ETS1: variants seen among roughly 807,000 people sequenced by gnomAD.
ETS1 encodes ETS proto-oncogene 1, transcription factor.
ETS1 carries 15 observed loss-of-function variants against 58.6 expected under a neutral mutation model. That is an observed-to-expected ratio of 0.26 (90% CI 0.17 to 0.39). The LOEUF is 0.39. ETS1 is among the 10% of genes least tolerant of loss of function. The pLI is 1.00. For synonymous variants in ETS1, 214 were observed against 218.2 expected (o/e 0.98, Z 0.17); for missense variants, 417 against 610.5 (o/e 0.68, Z 3.34).
Position 128,532,902 on chromosome 11 carries a change from C to T in ETS1, c.214+23389G>A, listed in dbSNP as rs558886702. Among the ~76,000 whole-genome samples the T allele has an allele frequency of 1.1e-4, 17 of 152,318 alleles. No individual in the cohort carries two copies. In the South Asian group the frequency reaches 1.5e-3, roughly 13 times the overall value. Reference sequence around the variant, plus strand: ...CTATCTCCCTCTATTAAAACCACCACGTGCCTTCAAGTCAGCCCATTGTAA... The same window carrying T: ...CTATCTCCCTCTATTAAAACCACCATGTGCCTTCAAGTCAGCCCATTGTAA... On this transcript the variant is annotated intron_variant, in intron 3 of 9. Coordinates refer to ENST00000392668, the MANE Select transcript of ETS1 (RefSeq NM_001143820.2).
intron 8 of ETS1, among the ~76,000 whole-genome samples, chr11:128,475,100 T>C (rs1217713734): frequency 6.6e-6 from 1 of 152,256 alleles, no homozygotes; most frequent in African/African-American, 2.4e-5. Flanking sequence ...CTCTACGCTG[T>C]TCCTAATCAC....
chr11:128,575,720 A>G (rs887185405), intron 1 of ETS1, among the ~76,000 whole-genome samples: 1 of 152,260 alleles, frequency 6.6e-6, no homozygotes, highest in African/African-American at 2.4e-5. Flanking sequence ...GGAAGCAGTC[A>G]GTTCTGCTGG....
intron 3 of ETS1, among the ~76,000 whole-genome samples, chr11:128,523,143 T>G (rs1863733832): frequency 1.3e-5 from 2 of 152,226 alleles, no homozygotes; most frequent in Admixed American, 6.5e-5. Context: ...CTCTCCTCTT[T>G]TAGATAAAAC....
At chr11:128,558,649 C>CAAAA (rs201114905) in intron 2 of ETS1, among the ~76,000 whole-genome samples, 124 of 103,370 alleles carry the variant, frequency 1.2e-3, no homozygotes, top group Non-Finnish European at 1.7e-3. Flanking sequence ...ATATCCATCC[C>CAAAA]AAAAAAAAAA....
chr11:128,507,634 G>A (rs1306143897), intron 3 of ETS1, among the ~76,000 whole-genome samples: 1 of 152,202 alleles, frequency 6.6e-6, no homozygotes, highest in Non-Finnish European at 1.5e-5. Context: ...TTCCTTAGGG[G>A]AAGCCTGCTA....
intron 1 of ETS1, among the ~76,000 whole-genome samples, chr11:128,574,751 G>A (rs1001861885): frequency 6.6e-6 from 1 of 152,124 alleles, no homozygotes; most frequent in East Asian, 1.9e-4. Context: ...TTTACTCTTA[G>A]AATCAAGTTT....
At chr11:128,469,008 C>A (rs1862114164) in intron 8 of ETS1, among the ~76,000 whole-genome samples, 1 of 152,166 alleles carries the variant, frequency 6.6e-6, no homozygotes, top group African/African-American at 2.4e-5. Context: ...CTGAAACAAA[C>A]CTCCTCTGAA....
chr11:128,507,193 T>C (rs1863262328), intron 3 of ETS1, among the ~76,000 whole-genome samples: 1 of 152,126 alleles, frequency 6.6e-6, no homozygotes, highest in Non-Finnish European at 1.5e-5. Context: ...GCACCTCTGA[T>C]TGGTTCCCTG....
chr11:128,537,212 C>A (rs919479335), intron 3 of ETS1, among the ~76,000 whole-genome samples: 1 of 152,164 alleles, frequency 6.6e-6, no homozygotes, highest in African/African-American at 2.4e-5. Context: ...TTTCTCCTGC[C>A]AAGTCTTTAG....
chr11:128,482,102 T>C (rs1162823919), intron 7 of ETS1, among the ~76,000 whole-genome samples: 1 of 152,224 alleles, frequency 6.6e-6, no homozygotes, highest in African/African-American at 2.4e-5. Context: ...AATGAATATA[T>C]ATTTCTTTAT....
Position 128,531,055 on chromosome 11 carries a change from T to C in ETS1, c.214+25236A>G, listed in dbSNP as rs149648841. On this transcript the variant is annotated intron_variant, in intron 3 of 9. Coordinates refer to ENST00000392668, the MANE Select transcript of ETS1 (RefSeq NM_001143820.2). ...TTTCCAAATAGTCCATACAAAAACC[T>C]GCAGTTTCTTGCCAAGCAGAAACTA... is the stretch of plus-strand genomic sequence containing the variant. 2.6e-5 allele frequency among the ~76,000 whole-genome samples: 4 copies of C among 152,346 alleles called. No homozygotes were observed. The East Asian group carries it at 7.7e-4, about 29-fold the overall frequency.
chr11:128,506,006 G>A (rs1047259809), intron 3 of ETS1, among the ~76,000 whole-genome samples: 3 of 152,160 alleles, frequency 2.0e-5, no homozygotes, highest in African/African-American at 4.8e-5. Context: ...GAGGAAGGAG[G>A]GACTGAAAAA....
Position 128,585,465 on chromosome 11 carries a change from A to G in ETS1, c.-15+2023T>C, listed in dbSNP as rs557208944. Among the ~76,000 whole-genome samples the G allele has an allele frequency of 1.4e-4, 22 of 152,344 alleles. No individual in the cohort carries two copies. The East Asian group carries it at 4.2e-3, about 29-fold the overall frequency. On this transcript the variant is annotated intron_variant, in intron 1 of 9. Transcript: ENST00000392668. The stretch of plus-strand genomic sequence containing the variant: ...GAAAATGATAGTCACTATGGAAAAC[A>G]GATCTATTCACCAATAATTAAAATC...
chr11:128,580,267 C>T (rs1342773036), intron 1 of ETS1, among the ~76,000 whole-genome samples: 1 of 149,426 alleles, frequency 6.7e-6, no homozygotes, highest in Non-Finnish European at 1.5e-5. Flanking sequence ...TAACTACAAG[C>T]AAGATGGCAC....
chr11:128,575,531 G>A (rs773022462), intron 1 of ETS1, among the ~76,000 whole-genome samples: 8 of 152,170 alleles, frequency 5.3e-5, no homozygotes. Flanking sequence ...ACGGTCCTGG[G>A]CACTTGAAAC....
chr11:128,506,691 C>T (rs998872043), intron 3 of ETS1, among the ~76,000 whole-genome samples: 3 of 152,136 alleles, frequency 2.0e-5, no homozygotes, highest in South Asian at 2.1e-4. Flanking sequence ...CCACCTCCGC[C>T]ACCTGGAAAT....
chr11:128,587,363 A>G (rs1340762455), intron 1 of ETS1, 125 bp downstream of exon 1: 2 of 152,308 alleles, frequency 1.3e-5, no homozygotes, highest in Non-Finnish European at 2.9e-5. Flanking sequence ...ACGTGAAAAG[A>G]GAAAGAGAAA....
intron 3 of ETS1, among the ~76,000 whole-genome samples, chr11:128,532,069 T>C (rs1863906236): frequency 6.6e-6 from 1 of 152,138 alleles, no homozygotes; most frequent in African/African-American, 2.4e-5. Flanking sequence ...CAGGCTGGAG[T>C]GTGGTGGCAT....
chr11:128,484,684 C>T (rs1464591350), intron 7 of ETS1, 139 bp downstream of exon 7: 6 of 710,954 alleles, frequency 8.4e-6, no homozygotes, highest in Non-Finnish European at 1.4e-5. Flanking sequence ...AGTATCTGGA[C>T]ACTCTAAGAT....
Sources: allele counts gnomAD v4.1 joint callset (sites outside exome capture counted in the v4.1 genomes callset), GRCh38; gene constraint gnomAD v4.1.1; transcripts MANE v1.5; gene names NCBI Gene and HGNC (gene_info 2026-07-23, HGNC 2026-07-21).